The following IPCEF1 variants were observed in gnomAD, a reference collection of about 807,000 sequenced individuals.
IPCEF1 encodes interaction protein for cytohesin exchange factors 1.
In IPCEF1, 31 loss-of-function variants were observed where a neutral mutation model predicts 50.9. The ratio of observed to expected loss-of-function variants is 0.61; its 90% CI spans 0.46 to 0.82. The LOEUF is 0.82. Ranked by LOEUF, IPCEF1 falls within the 40% of genes least tolerant of loss-of-function variation. The pLI, the probability that IPCEF1 is intolerant of heterozygous loss-of-function variation, is 0.00. For synonymous variants in IPCEF1, 181 were observed against 192.0 expected (o/e 0.94, Z 0.47); for missense variants, 458 against 514.0 (o/e 0.89, Z 1.05).
chr6:154,206,655 A>G (rs1777519670), intron 9 of IPCEF1, among the ~76,000 whole-genome samples: 1 of 152,228 alleles, frequency 6.6e-6, no homozygotes, highest in Non-Finnish European at 1.5e-5. Context: ...AGAGTTCAGA[A>G]GAGGGAAGAA....
intron 10 of IPCEF1, among the ~76,000 whole-genome samples, chr6:154,181,487 T>C (rs1006939996): frequency 5.3e-5 from 8 of 152,238 alleles, no homozygotes; most frequent in African/African-American, 1.9e-4. Context: ...TAAATTTACA[T>C]AGCTATACTA....
chr6:154,212,407 T>C (rs1425802090), intron 9 of IPCEF1, among the ~76,000 whole-genome samples: 1 of 152,216 alleles, frequency 6.6e-6, no homozygotes, highest in Non-Finnish European at 1.5e-5. Flanking sequence ...TGCATTGTTA[T>C]AGTACATGCA....
intron 10 of IPCEF1, among the ~76,000 whole-genome samples, chr6:154,186,787 A>C (rs1801404876): frequency 6.6e-6 from 1 of 151,666 alleles, no homozygotes; most frequent in Admixed American, 6.6e-5. Flanking sequence ...TGATCTCCTG[A>C]CCTCGTGATC....
chr6:154,284,949 G>A (rs770917467), intron 2 of IPCEF1, among the ~76,000 whole-genome samples: 3 of 151,982 alleles, frequency 2.0e-5, no homozygotes, highest in Non-Finnish European at 4.4e-5. Context: ...GCAGTGAGCC[G>A]AGATCACGCC....
In IPCEF1 at chr6:154,276,262, G is replaced by A. The variant is rs143802804; in HGVS notation, c.-17-10298C>T. Among the ~76,000 whole-genome samples the A allele has an allele frequency of 1.2e-3, 121 of 98,224 alleles. 1 individual carries two copies. In the East Asian group the frequency reaches 0.018, roughly 15 times the overall value. 64.4% of individuals were successfully genotyped at this position (98,224 alleles called of 152,430 possible). ...AAGAGAAAAGGTGGGAGGGAGGGAG[G>A]AAGAAAGAGAAAAAAGAAAAGAAAA... On this transcript the variant is annotated intron_variant, in intron 2 of 11. Coordinates refer to ENST00000367220, the MANE Select transcript of IPCEF1 (RefSeq NM_001130700.2).
intron 10 of IPCEF1, among the ~76,000 whole-genome samples, chr6:154,199,396 T>C (rs1698225358): frequency 6.6e-6 from 1 of 152,202 alleles, no homozygotes; most frequent in Admixed American, 6.5e-5. Flanking sequence ...TTTCTCCGAT[T>C]GGTGGAAAAG....
At chr6:154,228,140 CCTT>C (rs1464366711) in intron 5 of IPCEF1, among the ~76,000 whole-genome samples, 4 of 151,858 alleles carry the variant, frequency 2.6e-5, no homozygotes, top group African/African-American at 9.7e-5. Context: ...TGAATGGGAT[CCTT>C]CTTCTTCAAT....
intron 9 of IPCEF1, among the ~76,000 whole-genome samples, chr6:154,204,787 C>G (rs758648912): frequency 6.6e-6 from 1 of 152,190 alleles, no homozygotes; most frequent in African/African-American, 2.4e-5. Context: ...AAAAAGTCCA[C>G]AATATTCCTC....
intron 5 of IPCEF1, among the ~76,000 whole-genome samples, chr6:154,236,956 C>T (rs1251568218): frequency 6.6e-6 from 1 of 152,202 alleles, no homozygotes; most frequent in Non-Finnish European, 1.5e-5. Flanking sequence ...TCCCTAAATT[C>T]TGACTCCTTA....
intron 6 of IPCEF1, among the ~76,000 whole-genome samples, chr6:154,221,533 G>A (rs888819092): frequency 6.6e-5 from 10 of 152,232 alleles, no homozygotes; most frequent in Middle Eastern, 3.4e-3. Context: ...ATGTCAGAAC[G>A]TCCAGAACAG....
At chr6:154,304,389 ACT>A (rs1365310389) in intron 1 of IPCEF1, among the ~76,000 whole-genome samples, 19 of 151,964 alleles carry the variant, frequency 1.3e-4, no homozygotes, top group Admixed American at 8.5e-4. Flanking sequence ...TCCTGAAATC[ACT>A]CTCTTTTTCA....
rs1798778146 is a variant in IPCEF1 at position 154,157,863 on chromosome 6, C to T, written c.*1965G>A. 1 of 152,266 alleles carries T rather than the reference C, an allele frequency of 6.6e-6. No individual in the cohort carries two copies. The highest frequency in any genetic ancestry group is 2.1e-4 in the South Asian group (1 of 4,824). 9.4% of individuals were successfully genotyped at this position (152,266 alleles called of 1,614,324 possible). A position where few individuals can be genotyped will look rare whatever the true frequency, so the allele number is the denominator to read the frequency against. On this transcript the variant is annotated 3_prime_UTR_variant, in exon 12 of 12. Transcript: ENST00000367220. ...TTTCCAGGGGCAAAAGGTTAAAGCA[C>T]TGCTTTCCTAAACCAGGGCATCAGG...
intron 3 of IPCEF1, chr6:154,247,757 C>A (rs1020201970): frequency 5.4e-6 from 2 of 370,118 alleles, no homozygotes; most frequent in Non-Finnish European, 9.7e-6. Flanking sequence ...GCCGCTCTCA[C>A]TACTACTTTA....
intron 10 of IPCEF1, among the ~76,000 whole-genome samples, chr6:154,177,055 T>C (rs574622627): frequency 5.1e-4 from 78 of 152,312 alleles, no homozygotes; most frequent in Non-Finnish European, 9.0e-4. Flanking sequence ...CCCTATTTAA[T>C]AAATGTTGCT....
chr6:154,228,304 TAAA>T lies in IPCEF1; in HGVS notation c.247-5064_247-5062del, dbSNP rs11303578. Among the ~76,000 whole-genome samples, 817 of 147,166 alleles carry T rather than the reference TAAA, an allele frequency of 5.6e-3. 9 individuals are homozygous for T. Among genetic ancestry groups the T allele is most frequent in the African/African-American group, 0.019 (782 of 40,196 alleles). ...AACATAGGCAGACCTTGTCTCTGTT[TAAA>T]AAAAAAAAAAAAGTTTCCTCCAGGT... is the stretch of plus-strand genomic sequence containing the variant. On this transcript the variant is annotated intron_variant, in intron 5 of 11. Transcript: ENST00000367220.
intron 2 of IPCEF1, among the ~76,000 whole-genome samples, chr6:154,288,671 A>C (rs200504217): frequency 0.034 from 488 of 14,384 alleles, 3 homozygotes; most frequent in African/African-American, 0.16. Context: ...AAAAAACAAA[A>C]AAAACAAAAA....
intron 2 of IPCEF1, among the ~76,000 whole-genome samples, chr6:154,288,699 A>C (rs1583950359): frequency 4.7e-5 from 7 of 147,958 alleles, no homozygotes; most frequent in Non-Finnish European, 7.4e-5. Context: ...AAAAAAAAAA[A>C]AAAAAACTGT....
intron 10 of IPCEF1, among the ~76,000 whole-genome samples, chr6:154,180,386 CTATATA>C (rs58975780): frequency 6.3e-4 from 56 of 88,320 alleles, no homozygotes; most frequent in Admixed American, 1.7e-3. Flanking sequence ...ACAACAACAA[CTATATA>C]TATATATATA....
chr6:154,330,729 G>A (rs1337145329), intron 1 of IPCEF1, among the ~76,000 whole-genome samples: 1 of 152,196 alleles, frequency 6.6e-6, no homozygotes, highest in Non-Finnish European at 1.5e-5. Context: ...ATGTTCAGCT[G>A]TGGAACTGGG....
Sources: gnomAD v4.1 joint callset for allele counts (sites outside exome capture counted in the v4.1 genomes callset) on GRCh38, gnomAD v4.1.1 for gene constraint, MANE v1.5 for transcripts, NCBI Gene and HGNC (gene_info 2026-07-23, HGNC 2026-07-21) for gene names.